Variants in CXCL13 observed in about 807,000 individuals in gnomAD.
CXCL13 encodes C-X-C motif chemokine ligand 13.
A neutral mutation model predicts 12.2 loss-of-function variants in CXCL13; 7 were observed. That is an observed-to-expected ratio of 0.57 (90% CI 0.33 to 1.07). CXCL13 has a LOEUF of 1.07. Among genes scored for constraint, CXCL13 ranks in the 50% least tolerant of loss-of-function variants. The pLI, the probability that CXCL13 is intolerant of heterozygous loss-of-function variation, is 0.04. For missense variants in CXCL13, 113 were observed against 127.4 expected (o/e 0.89, Z 0.55); for synonymous variants, 47 against 42.4 (o/e 1.11, Z -0.42).
chr4:77,538,455 C>G (rs1004885709), intron 1 of CXCL13, among the ~76,000 whole-genome samples: 3 of 142,906 alleles, frequency 2.1e-5, no homozygotes, highest in Non-Finnish European at 3.0e-5. Context: ...CAGCTGTGGA[C>G]TCTTCCAGGA....
intron 1 of CXCL13, among the ~76,000 whole-genome samples, chr4:77,513,600 C>T (rs1724326680): frequency 6.6e-6 from 1 of 151,996 alleles, no homozygotes; most frequent in African/African-American, 2.4e-5. Context: ...TACAGGTGCC[C>T]ACCACCAGGC....
At chr4:77,561,504 C>T (rs971948729) in intron 1 of CXCL13, among the ~76,000 whole-genome samples, 5 of 152,248 alleles carry the variant, frequency 3.3e-5, no homozygotes, top group African/African-American at 7.2e-5. Context: ...AAACCTGATA[C>T]TTAGAGGCTA....
At chr4:77,519,949 C>A (rs1403772855) in intron 1 of CXCL13, among the ~76,000 whole-genome samples, 1 of 152,188 alleles carries the variant, frequency 6.6e-6, no homozygotes, top group Admixed American at 6.5e-5. Flanking sequence ...CCAGTTTTCC[C>A]AGCACCATTT....
intron 1 of CXCL13, among the ~76,000 whole-genome samples, chr4:77,528,761 G>T (rs1204976694): frequency 4.6e-5 from 7 of 152,306 alleles, no homozygotes; most frequent in Non-Finnish European, 8.8e-5. Flanking sequence ...TTCCTTTGCT[G>T]TGCAGAAGCT....
chr4:77,532,138 G>A (rs571358860), intron 1 of CXCL13, among the ~76,000 whole-genome samples: 5 of 152,106 alleles, frequency 3.3e-5, no homozygotes, highest in Non-Finnish European at 7.4e-5. Context: ...TTTCTTCCTA[G>A]CCTCAATGGT....
At chr4:77,589,582 G>T (rs1488003211) in intron 1 of CXCL13, among the ~76,000 whole-genome samples, 1 of 152,090 alleles carries the variant, frequency 6.6e-6, no homozygotes, top group Non-Finnish European at 1.5e-5. Flanking sequence ...TACATATAGG[G>T]TTCTGTATTA....
intron 1 of CXCL13, among the ~76,000 whole-genome samples, chr4:77,512,346 A>G (rs1724296924): frequency 6.6e-6 from 1 of 152,200 alleles, no homozygotes; most frequent in Non-Finnish European, 1.5e-5. Context: ...TTCTATCATC[A>G]CATGTTGCTG....
At chr4:77,579,509 T>C (rs1406235351) in intron 1 of CXCL13, among the ~76,000 whole-genome samples, 2 of 152,230 alleles carry the variant, frequency 1.3e-5, no homozygotes, top group African/African-American at 4.8e-5. Context: ...TTTCTCAATG[T>C]ATTATGCTAT....
Position 77,605,910 on chromosome 4 carries a change from C to T in CXCL13, c.45C>T (p.Ser15=), listed in dbSNP as rs1204429859. 5 of 1,606,178 alleles carry T rather than the reference C, an allele frequency of 3.1e-6. No homozygotes were observed. The highest frequency in any genetic ancestry group is 4.3e-6 in the Non-Finnish European group (5 of 1,174,716). The change falls in exon 1 of 4, where the codon AGC becomes AGT. Residue 15 remains serine (S), a synonymous_variant. Transcript: ENST00000682537. ...STSLLLMLLV[S]SLSPVQGVLE... ...CTCTGCTTCTCATGCTGCTGGTCAG[C>T]AGCCTCTCTCCAGTCCAAGGTGAGA...
At chr4:77,561,563 T>A (rs147854125) in intron 1 of CXCL13, among the ~76,000 whole-genome samples, 1 of 152,142 alleles carries the variant, frequency 6.6e-6, no homozygotes, top group Non-Finnish European at 1.5e-5. Flanking sequence ...GATCTTGGAG[T>A]GTAGCACCAT....
chr4:77,535,300 T>A (rs1725034409), intron 1 of CXCL13, among the ~76,000 whole-genome samples: 1 of 152,220 alleles, frequency 6.6e-6, no homozygotes, highest in African/African-American at 2.4e-5. Context: ...ACATACTTCT[T>A]TCTTGACATT....
At chr4:77,520,896 A>G (rs993420680) in intron 1 of CXCL13, among the ~76,000 whole-genome samples, 2 of 152,174 alleles carry the variant, frequency 1.3e-5, no homozygotes, top group Non-Finnish European at 2.9e-5. Context: ...TTCCATCAAT[A>G]TCTAGTTTAT....
chr4:77,599,541 C>T (rs890167527), intron 1 of CXCL13, among the ~76,000 whole-genome samples: 1 of 152,112 alleles, frequency 6.6e-6, no homozygotes, highest in Non-Finnish European at 1.5e-5. Flanking sequence ...TCATTTGGAA[C>T]GTAAATTGGA....
intron 1 of CXCL13, among the ~76,000 whole-genome samples, chr4:77,559,322 T>C (rs1725744659): frequency 6.6e-6 from 1 of 152,294 alleles, no homozygotes; most frequent in East Asian, 1.9e-4. Context: ...GCAGACTAAA[T>C]AAAGCTTCAG....
chr4:77,580,735 TCCTCCCCTGTCTTCC>T (rs1426699741), intron 1 of CXCL13, among the ~76,000 whole-genome samples: 1 of 45,028 alleles, frequency 2.2e-5, no homozygotes, highest in Non-Finnish European at 4.1e-5. Flanking sequence ...CCTCCCCCTC[TCCTCCCCTGTCTTCC>T]CCTCCCCTCC....
rs538101458 is a variant in CXCL13, at chr4:77,517,805, A to C, written c.-43+6017A>C. On this transcript the variant is annotated intron_variant, in intron 1 of 4. Transcript: ENST00000286758. ...TTTAATTGGAGCATTGAGTCCATTT[A>C]CATTTAAAGTTAATATTGTTATGTG... Among the ~76,000 whole-genome samples, 7 of 152,302 alleles carry C rather than the reference A, an allele frequency of 4.6e-5. No homozygotes were observed. The South Asian group carries it at 1.5e-3, about 32-fold the overall frequency.
chr4:77,517,084 C>G (rs1578031479), intron 1 of CXCL13, among the ~76,000 whole-genome samples: 2 of 152,198 alleles, frequency 1.3e-5, no homozygotes, highest in East Asian at 3.9e-4. Flanking sequence ...CATTCAGGAG[C>G]AGGTTGTTCA....
intron 2 of CXCL13, among the ~76,000 whole-genome samples, chr4:77,609,120 A>G (rs560889158): frequency 1.3e-5 from 2 of 152,310 alleles, no homozygotes; most frequent in Admixed American, 1.3e-4. Flanking sequence ...CTGTCTTTCC[A>G]TCATGAACTC....
intron 1 of CXCL13, among the ~76,000 whole-genome samples, chr4:77,564,971 G>A (rs1379154886): frequency 1.3e-5 from 2 of 152,146 alleles, no homozygotes; most frequent in African/African-American, 4.8e-5. Flanking sequence ...GGGTTTTCCT[G>A]GACCCATTTT....
Sources: gnomAD v4.1 joint callset for allele counts (sites outside exome capture counted in the v4.1 genomes callset) on GRCh38, gnomAD v4.1.1 for gene constraint, MANE v1.5 for transcripts, NCBI Gene and HGNC (gene_info 2026-07-23, HGNC 2026-07-21) for gene names.